SKAP1: variants seen among roughly 807,000 people sequenced by gnomAD.
SKAP1 encodes the protein src kinase associated phosphoprotein 1.
A neutral mutation model predicts 58.5 loss-of-function variants in SKAP1; 44 were observed. That is an observed-to-expected ratio of 0.75 (90% confidence interval 0.59 to 0.97). SKAP1 has a LOEUF of 0.97. Ranked by LOEUF, SKAP1 falls within the 50% of genes least tolerant of loss-of-function variation. The probability of loss-of-function intolerance (pLI) is 0.00; values close to 1 mark genes in which losing one functional copy is unlikely to be tolerated. For missense variants in SKAP1, 390 were observed against 435.2 expected, an observed-to-expected ratio of 0.90 and a Z score of 0.92; for synonymous variants, 127 against 149.7, an observed-to-expected ratio of 0.85 and a Z score of 1.11.
rs111989778 is a variant in SKAP1 at position 48,136,131 on chromosome 17, C to T, written c.*7+1098G>A. Reference sequence around the variant, plus strand: ...AATGTGAAAGGAAGTGTGTGCGCAACATCTGTGAAGTACCCTTAAAGGAAG... The same window carrying T: ...AATGTGAAAGGAAGTGTGTGCGCAATATCTGTGAAGTACCCTTAAAGGAAG... On this transcript the variant is annotated intron_variant, in intron 12 of 12. Transcript: ENST00000336915. Among the ~76,000 whole-genome samples the T allele has an allele frequency of 3.3e-3, 502 of 152,058 alleles. 7 individuals carry two copies. Among genetic ancestry groups the T allele is most frequent in the African/African-American group, 0.012 (490 of 41,508 alleles).
At chr17:48,275,189 C>T (rs2065683745) in intron 4 of SKAP1, among the ~76,000 whole-genome samples, 1 of 152,104 alleles carries the variant, frequency 6.6e-6, no homozygotes, top group Admixed American at 6.5e-5. Context: ...GTTTTGGCTC[C>T]CACCTTTAAA....
rs147265735 is a variant in SKAP1 at position 48,264,782 on chromosome 17, A to C, written c.281-75282T>G. ...CACACACACACACACACACACACAC[A>C]CCCTCCATCTCCATTTTCTTGTGGT... is the stretch of plus-strand genomic sequence containing the variant. On this transcript the variant is annotated intron_variant, in intron 4 of 12. Transcript: ENST00000336915. Among the ~76,000 whole-genome samples, 551 of 147,078 alleles carry C rather than the reference A, an allele frequency of 3.7e-3. 4 individuals carry two copies. Among genetic ancestry groups the C allele is most frequent in the African/African-American group, 0.012 (463 of 39,488 alleles).
At chr17:48,321,821 C>A (rs2066371734) in intron 4 of SKAP1, among the ~76,000 whole-genome samples, 3 of 152,122 alleles carry the variant, frequency 2.0e-5, no homozygotes, top group Admixed American at 6.5e-5. Context: ...CCTTTCCTCC[C>A]AAAATATGAA....
chr17:48,220,910 G>T lies in SKAP1; in HGVS notation c.281-31410C>A, dbSNP rs778854760. Among the ~76,000 whole-genome samples, 84 of 150,616 alleles carry T rather than the reference G, an allele frequency of 5.6e-4. 1 individual carries two copies. Among genetic ancestry groups the T allele is most frequent in the Non-Finnish European group, 1.0e-3 (70 of 67,636 alleles). ...AAAAAAAAAGAAAGAGAAGCTTTAGGGGTGCTGGTAATGTTCTATATCTTG... is the reference window on the plus strand; with the variant it reads ...AAAAAAAAAGAAAGAGAAGCTTTAGTGGTGCTGGTAATGTTCTATATCTTG... On this transcript the variant is annotated intron_variant, in intron 4 of 12. Coordinates refer to ENST00000336915, the MANE Select transcript of SKAP1 (RefSeq NM_003726.4).
chr17:48,424,951 G>T lies in SKAP1; in HGVS notation c.46+5124C>A, dbSNP rs567247796. 1.5e-3 allele frequency among the ~76,000 whole-genome samples: 222 copies of T among 146,410 alleles called. 1 individual carries two copies. Among genetic ancestry groups the T allele is most frequent in the Admixed American group, 5.2e-3 (77 of 14,734 alleles). Reference sequence around the variant, plus strand: ...GTCTCAAAAAAAAAAAAAAGAAAAAGAAAAAGAAAATGAAAACCCTCAGTA... The same window carrying T: ...GTCTCAAAAAAAAAAAAAAGAAAAATAAAAAGAAAATGAAAACCCTCAGTA... On this transcript the variant is annotated intron_variant, in intron 1 of 12. Coordinates refer to ENST00000336915, the MANE Select transcript of SKAP1 (RefSeq NM_003726.4).
chr17:48,199,807 G>T (rs997373548), intron 4 of SKAP1, among the ~76,000 whole-genome samples: 1 of 152,138 alleles, frequency 6.6e-6, no homozygotes, highest in African/African-American at 2.4e-5. Context: ...GGTAAAAATA[G>T]ATCTTGCAGT....
At chr17:48,437,842 A>G in the SKAP1 span, among the ~76,000 whole-genome samples, 1 of 150,728 alleles carries the variant, frequency 6.6e-6, no homozygotes, top group East Asian at 1.9e-4. Context: ...ACCCTTCCTC[A>G]CTCATTCTAA....
intron 4 of SKAP1, among the ~76,000 whole-genome samples, chr17:48,216,759 T>C (rs1218204413): frequency 6.6e-6 from 1 of 152,172 alleles, no homozygotes; most frequent in African/African-American, 2.4e-5. Flanking sequence ...CCCAAAGTGC[T>C]GGGATTACAG....
intron 4 of SKAP1, chr17:48,204,085 CTTT>C (rs56871952): frequency 5.0e-5 from 7 of 139,824 alleles, no homozygotes; most frequent in Admixed American, 7.2e-5. Context: ...AGATTTTTTT[CTTT>C]TTTTTTTTTT....
At chr17:48,381,733 C>T (rs894897374) in intron 2 of SKAP1, among the ~76,000 whole-genome samples, 2 of 152,108 alleles carry the variant, frequency 1.3e-5, no homozygotes, top group African/African-American at 4.8e-5. Flanking sequence ...TTGTGTTAGG[C>T]ACTTTTATGT....
chr17:48,143,941 G>A (rs2063798108), intron 11 of SKAP1, among the ~76,000 whole-genome samples: 1 of 152,196 alleles, frequency 6.6e-6, no homozygotes, highest in African/African-American at 2.4e-5. Context: ...CTCGAAGAGG[G>A]TGCGAACAGG....
chr17:48,303,864 C>T (rs1211007829), intron 4 of SKAP1, among the ~76,000 whole-genome samples: 2 of 152,110 alleles, frequency 1.3e-5, no homozygotes, highest in African/African-American at 2.4e-5. Flanking sequence ...AACCCTAAGG[C>T]GTACAGGTCA....
At chr17:48,392,814 C>T (rs1295494288) in intron 2 of SKAP1, among the ~76,000 whole-genome samples, 8 of 151,544 alleles carry the variant, frequency 5.3e-5, no homozygotes, top group African/African-American at 1.5e-4. Flanking sequence ...GAACCAAGAT[C>T]GCACCACTGC....
intron 9 of SKAP1, among the ~76,000 whole-genome samples, chr17:48,175,154 G>C (rs547428377): frequency 6.6e-6 from 1 of 152,296 alleles, no homozygotes; most frequent in East Asian, 1.9e-4. Context: ...TTTCTGAAGT[G>C]CTGCTCTGAC....
chr17:48,309,024 C>T (rs1000199624), intron 4 of SKAP1, among the ~76,000 whole-genome samples: 5 of 151,906 alleles, frequency 3.3e-5, no homozygotes, highest in East Asian at 1.9e-4. Flanking sequence ...GAGCTCTGAT[C>T]GGGGTAACTG....
intron 4 of SKAP1, among the ~76,000 whole-genome samples, chr17:48,272,976 A>G (rs370327727): frequency 6.6e-6 from 1 of 152,380 alleles, no homozygotes; most frequent in African/African-American, 2.4e-5. Context: ...GAAAGGCAAC[A>G]AGGATAAAGT....
intron 1 of SKAP1, among the ~76,000 whole-genome samples, chr17:48,408,522 T>C (rs1328808879): frequency 2.0e-5 from 3 of 152,138 alleles, no homozygotes; most frequent in African/African-American, 7.2e-5. Context: ...AGTTTAAGGT[T>C]AGTAGAGAGA....
At chr17:48,392,933 C>T (rs2067368174) in intron 2 of SKAP1, among the ~76,000 whole-genome samples, 1 of 151,854 alleles carries the variant, frequency 6.6e-6, no homozygotes, top group Admixed American at 6.6e-5. Context: ...GTCAGATGGC[C>T]TCCACTGAAT....
At chr17:48,230,787 T>C (rs563694571) in intron 4 of SKAP1, among the ~76,000 whole-genome samples, 1 of 152,196 alleles carries the variant, frequency 6.6e-6, no homozygotes, top group African/African-American at 2.4e-5. Context: ...TGAGTAAGCA[T>C]ATATAATTAT....
Sources: gnomAD v4.1 joint callset for allele counts (sites outside exome capture counted in the v4.1 genomes callset) on GRCh38, gnomAD v4.1.1 for gene constraint, MANE v1.5 for transcripts, NCBI Gene and HGNC (gene_info 2026-07-23, HGNC 2026-07-21) for gene names.